GLIS3: variants seen among roughly 807,000 people sequenced by gnomAD.
GLIS3 encodes zinc finger protein GLIS3.
In GLIS3, 53 loss-of-function variants were observed where a neutral mutation model predicts 78.6. The ratio of observed to expected loss-of-function variants is 0.67; its 90% CI spans 0.54 to 0.85. The LOEUF is 0.85. Among genes scored for constraint, GLIS3 ranks in the 40% least tolerant of loss-of-function variants. The pLI is 0.00. For synonymous variants in GLIS3, 684 were observed against 509.9 expected, an observed-to-expected ratio of 1.34 and a Z score of -4.60; for missense variants, 1,703 against 1,231.1, an observed-to-expected ratio of 1.38 and a Z score of -5.74.
At chr9:4,360,553 T>C in the GLIS3 span, among the ~76,000 whole-genome samples, 1 of 152,204 alleles carries the variant, frequency 6.6e-6, no homozygotes, top group Non-Finnish European at 1.5e-5. Flanking sequence ...ATTATCTCAT[T>C]TATTCCTCAC....
In GLIS3 at chr9:4,118,363, A is replaced by C; in HGVS notation, c.1115T>G (p.Val372Gly). 6.3e-7 allele frequency: 1 copy of C among 1,589,484 alleles called. No homozygotes were observed. The highest frequency in any genetic ancestry group is 8.5e-7 in the Non-Finnish European group (1 of 1,171,792). ...CGCCAGGCCTCCAGGGGCCACCAGC[A>C]CGCCCTTCTGGCTGCCGGGCACCGG... ...PRPVPGSQKGVLVAPGGLALP... is the reference protein window; with the variant it reads ...PRPVPGSQKGGLVAPGGLALP... The change falls in exon 4 of 11, where the codon GTG becomes GGG. Residue 372 changes from valine (V) to glycine (G), a missense_variant. Coordinates refer to ENST00000381971, the MANE Select transcript of GLIS3 (RefSeq NM_001042413.2). The surrounding 1 kb of genome is among the most constrained non-coding windows in gnomAD (Gnocchi z 4.7).
chr9:4,197,597 G>C (rs1048498819), intron 2 of GLIS3, among the ~76,000 whole-genome samples: 1 of 152,198 alleles, frequency 6.6e-6, no homozygotes, highest in Non-Finnish European at 1.5e-5. Flanking sequence ...CGTGCCTGCT[G>C]CTGGGGAAGT....
the GLIS3 span, among the ~76,000 whole-genome samples, chr9:4,369,639 T>G: frequency 6.6e-6 from 1 of 152,106 alleles, no homozygotes; most frequent in Non-Finnish European, 1.5e-5. Context: ...CTCTTAGCCC[T>G]CCATTCCTCA....
intron 4 of GLIS3, among the ~76,000 whole-genome samples, chr9:4,019,290 G>A (rs73388267): frequency 6.6e-6 from 1 of 152,224 alleles, no homozygotes; most frequent in South Asian, 2.1e-4. Context: ...AGAAGGTAAT[G>A]GTGGCCCAGG....
intron 2 of GLIS3, among the ~76,000 whole-genome samples, chr9:4,132,704 G>C (rs1314133041): frequency 2.0e-5 from 3 of 152,072 alleles, no homozygotes; most frequent in Non-Finnish European, 4.4e-5. Flanking sequence ...CATTATAAAA[G>C]AGGTGATCCC....
chr9:4,169,987 G>A (rs1019401906), intron 2 of GLIS3, among the ~76,000 whole-genome samples: 9 of 152,112 alleles, frequency 5.9e-5, no homozygotes, highest in South Asian at 2.1e-4. Context: ...AAAGGGATAC[G>A]CCAGAGAATT....
At chr9:4,213,746 G>C (rs116228242) in intron 2 of GLIS3, among the ~76,000 whole-genome samples, 1 of 152,018 alleles carries the variant, frequency 6.6e-6, no homozygotes, top group Non-Finnish European at 1.5e-5. Context: ...GGGAATTAAT[G>C]CATAATATAC....
intron 4 of GLIS3, among the ~76,000 whole-genome samples, chr9:3,952,647 C>T (rs1381045914): frequency 6.6e-6 from 1 of 152,064 alleles, no homozygotes; most frequent in Non-Finnish European, 1.5e-5. Flanking sequence ...TCAGATTATC[C>T]AAATGTCAAA....
intron 2 of GLIS3, among the ~76,000 whole-genome samples, chr9:4,177,433 A>G (rs1435467271): frequency 3.3e-5 from 5 of 152,210 alleles, no homozygotes; most frequent in Admixed American, 3.3e-4. Flanking sequence ...GTTGACATAC[A>G]TGGTCAATGG....
intron 4 of GLIS3, among the ~76,000 whole-genome samples, chr9:4,064,012 T>A (rs1340735324): frequency 1.3e-5 from 2 of 152,156 alleles, no homozygotes. Flanking sequence ...AAAGACTTTT[T>A]TTTTCAACTC....
chr9:4,418,869 G>C, the GLIS3 span, among the ~76,000 whole-genome samples: 2 of 152,170 alleles, frequency 1.3e-5, no homozygotes, highest in African/African-American at 4.8e-5. Context: ...AGCAATGTGA[G>C]CCAGGACAGG....
chr9:4,313,596 T>C lies in GLIS3; in HGVS notation n.265-3068A>G, dbSNP rs928984529. Among the ~76,000 whole-genome samples, 4 of 152,240 alleles carry C rather than the reference T, an allele frequency of 2.6e-5. No homozygotes were observed. In the East Asian group the frequency reaches 7.7e-4, roughly 29 times the overall value. On this transcript the variant is annotated intron_variant and non_coding_transcript_variant, in intron 2 of 4. Transcript: ENST00000471664. The stretch of plus-strand genomic sequence containing the variant: ...GGATGTGACTCCTTGATCTTGGACC[T>C]TGATTTTTCTCTCTGGCAGTATCCC...
At chr9:4,375,082 A>C in the GLIS3 span, among the ~76,000 whole-genome samples, 1 of 152,176 alleles carries the variant, frequency 6.6e-6, no homozygotes, top group African/African-American at 2.4e-5. Context: ...CTTGATCTTA[A>C]ATGCAAATCC....
intron 2 of GLIS3, among the ~76,000 whole-genome samples, chr9:4,128,993 A>G (rs1374705760): frequency 6.6e-6 from 1 of 152,224 alleles, no homozygotes; most frequent in Admixed American, 6.5e-5. Context: ...AAGCATGAAA[A>G]TTAATGGTGA....
intron 4 of GLIS3, among the ~76,000 whole-genome samples, chr9:4,002,920 C>T (rs1484214399): frequency 6.6e-6 from 1 of 152,214 alleles, no homozygotes; most frequent in Non-Finnish European, 1.5e-5. Flanking sequence ...AAGAGATCCA[C>T]AACGACATGG....
chr9:4,366,047 G>C, the GLIS3 span, among the ~76,000 whole-genome samples: 6 of 152,170 alleles, frequency 3.9e-5, no homozygotes, highest in Non-Finnish European at 5.9e-5. Flanking sequence ...AAATGCTTCG[G>C]TGGTGAACTT....
At chr9:4,057,368 C>T (rs897842847) in intron 4 of GLIS3, among the ~76,000 whole-genome samples, 1 of 152,110 alleles carries the variant, frequency 6.6e-6, no homozygotes, top group Admixed American at 6.6e-5. Context: ...GGACTAAATT[C>T]TCCCTGGGTG....
At chr9:3,966,942 G>C (rs1817982526) in intron 4 of GLIS3, among the ~76,000 whole-genome samples, 1 of 134,968 alleles carries the variant, frequency 7.4e-6, no homozygotes, top group East Asian at 2.3e-4. Context: ...CATCACCCCA[G>C]TGAGATTCCT....
At chr9:4,267,869 CA>C (rs1278931020) in intron 2 of GLIS3, among the ~76,000 whole-genome samples, 5 of 151,948 alleles carry the variant, frequency 3.3e-5, no homozygotes, top group African/African-American at 1.2e-4. Flanking sequence ...CTAGGTACAT[CA>C]TTGCTAAAGA....
Sources: gnomAD v4.1 joint callset for allele counts (sites outside exome capture counted in the v4.1 genomes callset) on GRCh38, gnomAD v4.1.1 for gene constraint, Gnocchi (gnomAD v3.1) non-coding constraint, MANE v1.5 for transcripts, NCBI Gene and HGNC (gene_info 2026-07-23, HGNC 2026-07-21) for gene names.